LRRC37A2: variants seen among roughly 807,000 people sequenced by gnomAD.
The protein encoded by LRRC37A2 is leucine rich repeat containing 37 member A2.
Under a neutral mutation model 68.8 loss-of-function variants are expected in LRRC37A2, and 9 were observed. The observed-to-expected ratio is 0.13, with a 90% CI of 0.08 to 0.23. The LOEUF (loss-of-function observed/expected upper bound fraction) is 0.23. Among genes scored for constraint, LRRC37A2 ranks in the 10% least tolerant of loss-of-function variants. LRRC37A2 has a pLI of 1.00. For missense variants in LRRC37A2, 168 were observed against 950.4 expected (o/e 0.18, Z 10.82); for synonymous variants, 63 against 367.6 (o/e 0.17, Z 9.48).
chr17:46,805,026 T>C, the LRRC37A2 span, among the ~76,000 whole-genome samples: 1 of 151,380 alleles, frequency 6.6e-6, no homozygotes, highest in African/African-American at 2.4e-5. Flanking sequence ...TTGCTCACTC[T>C]TGGGGTCCTT....
chr17:47,014,158 A>G, the LRRC37A2 span, among the ~76,000 whole-genome samples: 7 of 151,976 alleles, frequency 4.6e-5, no homozygotes, highest in African/African-American at 1.7e-4. Flanking sequence ...TTGGGAGGCC[A>G]AGGTGGGCGG....
the LRRC37A2 span, among the ~76,000 whole-genome samples, chr17:47,031,070 G>A: frequency 6.6e-6 from 1 of 151,104 alleles, no homozygotes; most frequent in South Asian, 2.1e-4. Context: ...ATCATCCCTG[G>A]GTTCCAATAG....
chr17:46,761,096 CTG>C, the LRRC37A2 span, among the ~76,000 whole-genome samples: 1 of 152,308 alleles, frequency 6.6e-6, no homozygotes, highest in Non-Finnish European at 1.5e-5. Context: ...AATGACCAGA[CTG>C]TAAGATGTAG....
the LRRC37A2 span, among the ~76,000 whole-genome samples, chr17:47,026,891 G>A: frequency 6.8e-6 from 1 of 147,992 alleles, no homozygotes; most frequent in Non-Finnish European, 1.5e-5. Flanking sequence ...CTAAGAAGGT[G>A]TAGAAATGTG....
the LRRC37A2 span, among the ~76,000 whole-genome samples, chr17:47,024,341 A>G: frequency 6.6e-6 from 1 of 152,126 alleles, no homozygotes; most frequent in Non-Finnish European, 1.5e-5. Context: ...AAGGTTTGGG[A>G]AAAGAGAGGA....
the LRRC37A2 span, among the ~76,000 whole-genome samples, chr17:46,777,229 A>G: frequency 6.6e-6 from 1 of 152,210 alleles, no homozygotes; most frequent in Non-Finnish European, 1.5e-5. Flanking sequence ...AAAGAAAAAG[A>G]AAAAGCAGAG....
At chr17:46,886,983 A>G in the LRRC37A2 span, among the ~76,000 whole-genome samples, 2 of 151,980 alleles carry the variant, frequency 1.3e-5, no homozygotes, top group Admixed American at 1.3e-4. Flanking sequence ...TACCTGGCTA[A>G]TTTTTGTGTT....
the LRRC37A2 span, among the ~76,000 whole-genome samples, chr17:46,998,494 T>A: frequency 6.6e-6 from 1 of 152,114 alleles, no homozygotes; most frequent in Non-Finnish European, 1.5e-5. Context: ...CACAAGAGTA[T>A]AAAATGGGCA....
the LRRC37A2 span, among the ~76,000 whole-genome samples, chr17:46,839,363 C>T: frequency 4.6e-5 from 7 of 152,168 alleles, no homozygotes; most frequent in African/African-American, 1.7e-4. Flanking sequence ...CACTCTTAGC[C>T]CCTGGCGGGT....
the LRRC37A2 span, among the ~76,000 whole-genome samples, chr17:46,620,315 CTTTT>C: frequency 6.6e-4 from 6 of 9,106 alleles, no homozygotes; most frequent in Non-Finnish European, 1.1e-3. Flanking sequence ...CTCTCGCTCT[CTTTT>C]TTTTTTTTTT....
At chr17:46,796,355 G>A in the LRRC37A2 span, among the ~76,000 whole-genome samples, 1 of 152,216 alleles carries the variant, frequency 6.6e-6, no homozygotes, top group South Asian at 2.1e-4. Flanking sequence ...CTGTTTGTGT[G>A]CTTGCCGCAT....
chr17:46,910,982 G>A, the LRRC37A2 span, among the ~76,000 whole-genome samples: 824 of 152,326 alleles, frequency 5.4e-3, 5 homozygotes, highest in Admixed American at 9.1e-3. Context: ...AGCATGACAT[G>A]CATATGGCGG....
At chr17:47,044,997 C>T in the LRRC37A2 span, among the ~76,000 whole-genome samples, 8 of 150,930 alleles carry the variant, frequency 5.3e-5, no homozygotes, top group South Asian at 2.1e-4. Flanking sequence ...TATAACAGAG[C>T]GAGACCTGGC....
the LRRC37A2 span, among the ~76,000 whole-genome samples, chr17:46,776,757 A>G: frequency 6.6e-6 from 1 of 152,114 alleles, no homozygotes; most frequent in African/African-American, 2.4e-5. Context: ...CCAGGGAAGA[A>G]GCCTGGGCTG....
chr17:46,575,259 T>C, the LRRC37A2 span, among the ~76,000 whole-genome samples: 5 of 127,738 alleles, frequency 3.9e-5, no homozygotes, highest in Admixed American at 8.1e-5. Context: ...CTGTCAAAAC[T>C]CGCTTTGTAA....
At chr17:46,934,030 CT>C in the LRRC37A2 span, among the ~76,000 whole-genome samples, 3 of 152,094 alleles carry the variant, frequency 2.0e-5, no homozygotes, top group Non-Finnish European at 2.9e-5. Context: ...GCTCTCACAG[CT>C]GGCGAGGACT....
the LRRC37A2 span, among the ~76,000 whole-genome samples, chr17:46,922,333 T>C: frequency 6.7e-6 from 1 of 149,698 alleles, no homozygotes; most frequent in African/African-American, 2.5e-5. Context: ...GGGCCTGTTG[T>C]GGGGTGGGGA....
the LRRC37A2 span, among the ~76,000 whole-genome samples, chr17:46,725,281 C>T: frequency 6.6e-6 from 1 of 152,122 alleles, no homozygotes; most frequent in Non-Finnish European, 1.5e-5. Context: ...ATAACATGAA[C>T]AGAATAAAGC....
the LRRC37A2 span, among the ~76,000 whole-genome samples, chr17:47,039,043 C>A: frequency 1.3e-5 from 2 of 150,502 alleles, no homozygotes; most frequent in East Asian, 3.9e-4. Flanking sequence ...CCTTATAGGG[C>A]AGGTCTTCTA....
Sources: gnomAD v4.1 joint callset for allele counts (sites outside exome capture counted in the v4.1 genomes callset) on GRCh38, gnomAD v4.1.1 for gene constraint, MANE v1.5 for transcripts, NCBI Gene and HGNC (gene_info 2026-07-23, HGNC 2026-07-21) for gene names.